IQSEC3: variants seen among roughly 807,000 people sequenced by gnomAD.
The protein encoded by IQSEC3 is IQ motif and Sec7 domain ArfGEF 3, also known as IQ motif and SEC7 domain-containing protein 3.
IQSEC3 carries 50 observed loss-of-function variants against 105.4 expected under a neutral mutation model. The observed-to-expected ratio is 0.47, with a 90% CI of 0.38 to 0.60. IQSEC3 has a LOEUF of 0.60. Among genes scored for constraint, IQSEC3 ranks in the 20% least tolerant of loss-of-function variants. The pLI is 0.00. For synonymous variants in IQSEC3, 708 were observed against 746.0 expected, an observed-to-expected ratio of 0.95 and a Z score of 0.83; for missense variants, 1,415 against 1,630.0, an observed-to-expected ratio of 0.87 and a Z score of 2.27.
chr12:172,933 G>T (rs561792449), intron 13 of IQSEC3, among the ~76,000 whole-genome samples: 3 of 152,178 alleles, frequency 2.0e-5, no homozygotes, highest in Non-Finnish European at 4.4e-5. Context: ...GGCGCGGCAC[G>T]GGGAGCTTCA....
Position 174,921 on chromosome 12 carries a change from A to AGCC in IQSEC3, c.3438_3440dup (p.Pro1148dup). 6.5e-7 allele frequency: 1 copy of AGCC among 1,544,872 alleles called. No homozygotes were observed. Among genetic ancestry groups the AGCC allele is most frequent in the Non-Finnish European group, 8.7e-7 (1 of 1,152,490 alleles). ...GGCTCTCCGGTCAAGGTCACCCACC[A>AGCC]GCCTCCGCTGCCCCCGCCCCCACCC... On this transcript the variant is annotated inframe_insertion, in exon 14 of 14. Coordinates refer to ENST00000538872, the MANE Select transcript of IQSEC3 (RefSeq NM_001170738.2).
At chr12:110,827 A>G (rs1864857677) in intron 2 of IQSEC3, among the ~76,000 whole-genome samples, 1 of 152,188 alleles carries the variant, frequency 6.6e-6, no homozygotes, top group Admixed American at 6.5e-5. Flanking sequence ...CACAAACCCA[A>G]CAAACCCAAC....
At chr12:149,546 CTCAT>C (rs1303647807) in intron 5 of IQSEC3, among the ~76,000 whole-genome samples, 2 of 152,212 alleles carry the variant, frequency 1.3e-5, no homozygotes, top group Non-Finnish European at 2.9e-5. Context: ...CTCTCACTCA[CTCAT>C]TCATTCATCC....
At chr12:72,551 T>C (rs1863359877) in intron 1 of IQSEC3, among the ~76,000 whole-genome samples, 1 of 132,336 alleles carries the variant, frequency 7.6e-6, no homozygotes, top group South Asian at 2.4e-4. Flanking sequence ...CTGGGGACAC[T>C]CTCACTGCAC....
At chr12:156,105 G>A (rs1216442716) in intron 5 of IQSEC3, among the ~76,000 whole-genome samples, 2 of 152,294 alleles carry the variant, frequency 1.3e-5, no homozygotes, top group Non-Finnish European at 2.9e-5. Flanking sequence ...CCCCTGGATC[G>A]GGCTAGACCA....
chr12:141,509 G>A (rs978854577), intron 5 of IQSEC3: 4 of 511,866 alleles, frequency 7.8e-6, no homozygotes, highest in African/African-American at 3.8e-5. Context: ...GCCAGGCTTC[G>A]TTTGAGGCAG....
chr12:113,271 C>T (rs1404031492), intron 2 of IQSEC3, among the ~76,000 whole-genome samples: 1 of 152,252 alleles, frequency 6.6e-6, no homozygotes, highest in Non-Finnish European at 1.5e-5. Context: ...ACTTGATTCT[C>T]ACCACAAGGA....
intron 5 of IQSEC3, among the ~76,000 whole-genome samples, chr12:153,921 G>GC (rs1591732462): frequency 6.6e-6 from 1 of 152,158 alleles, no homozygotes. Flanking sequence ...CCCAGGACTT[G>GC]CCCCCAAATA....
chr12:126,672 A>C (rs11064597), intron 3 of IQSEC3, among the ~76,000 whole-genome samples: 14,520 of 151,928 alleles, frequency 0.096, 1,088 homozygotes, highest in African/African-American at 0.21. Context: ...CCTCCTATGA[A>C]CTCAGTGACT....
At chr12:125,969 G>T in intron 3 of IQSEC3, 57 bp downstream of exon 3, 1 of 1,484,902 alleles carries the variant, frequency 6.7e-7, no homozygotes, top group Non-Finnish European at 9.0e-7. Flanking sequence ...TGCTTTGGGG[G>T]CTGTCGAGGG....
Position 66,803 on chromosome 12 carries a change from C to G in IQSEC3, c.-80C>G. 7.8e-7 allele frequency: 1 copy of G among 1,275,378 alleles called. No individual in the cohort carries two copies. 79.0% of individuals were successfully genotyped at this position (1,275,378 alleles called of 1,614,324 possible). ...GTGGGAGAGGGAGGCGAGCCGACCGCTGGGCTGCTGGGCTCCCGCGCCCTC... is the reference window on the plus strand; with the variant it reads ...GTGGGAGAGGGAGGCGAGCCGACCGGTGGGCTGCTGGGCTCCCGCGCCCTC... On this transcript the variant is annotated 5_prime_UTR_variant, in exon 1 of 14. Transcript: ENST00000538872.
chr12:142,217 G>T (rs1009227137), intron 5 of IQSEC3: 1 of 152,236 alleles, frequency 6.6e-6, no homozygotes, highest in African/African-American at 2.4e-5. Context: ...CTCGCTCCTG[G>T]AGCAGCAAGG....
In IQSEC3 at chr12:138,307, C is replaced by G. The variant is rs1555087043; in HGVS notation, c.944C>G (p.Ser315Cys). Residue 315 changes from serine (S) to cysteine (C), a missense_variant, in exon 4 of 14, where the codon TCC (serine) becomes TGC (cysteine). Around this residue, in one of 6 missense-constraint regions of IQSEC3, gnomAD observed 720 missense variants for 633.0 expected, o/e 1.14. Coordinates refer to ENST00000538872, the MANE Select transcript of IQSEC3 (RefSeq NM_001170738.2). The surrounding 1 kb of genome is among the most constrained non-coding windows in gnomAD (Gnocchi z 7.1). ...LEHKYGGHLV[S>C]RRAACTIQTA... is the part of the protein sequence containing the mutation. ...CATAAGTACGGCGGTCACCTGGTGT[C>G]CCGGCGCGCCGCTTGCACCATCCAA... The G allele has an allele frequency of 1.2e-6, 2 of 1,613,878 alleles. No individual in the cohort carries two copies. Among genetic ancestry groups the G allele is most frequent in the Non-Finnish European group, 8.5e-7 (1 of 1,179,946 alleles).
intron 12 of IQSEC3, among the ~76,000 whole-genome samples, chr12:169,868 C>T (rs1591758223): frequency 2.6e-5 from 4 of 152,340 alleles, no homozygotes; most frequent in South Asian, 2.1e-4. Context: ...TTAGTTAACT[C>T]GGTCACTTAC....
chr12:161,268 G>A (rs1172234302), intron 7 of IQSEC3, among the ~76,000 whole-genome samples: 1 of 152,236 alleles, frequency 6.6e-6, no homozygotes, highest in Non-Finnish European at 1.5e-5. Context: ...TTAATCGCCT[G>A]TTTCTCCAAA....
intron 2 of IQSEC3, among the ~76,000 whole-genome samples, chr12:104,390 TAA>T (rs1373277000): frequency 1.3e-5 from 2 of 152,186 alleles, no homozygotes; most frequent in African/African-American, 4.8e-5. Context: ...CCTCTGATTA[TAA>T]GTCATACACG....
At chr12:82,380 G>A (rs1194826808) in intron 1 of IQSEC3, among the ~76,000 whole-genome samples, 1 of 152,202 alleles carries the variant, frequency 6.6e-6, no homozygotes, top group African/African-American at 2.4e-5. Context: ...GCCAGAATGG[G>A]AGGAATTGTA....
intron 3 of IQSEC3, among the ~76,000 whole-genome samples, chr12:133,736 G>T (rs574618022): frequency 5.4e-5 from 8 of 148,852 alleles, no homozygotes; most frequent in South Asian, 2.2e-4. Context: ...GCAGAGGTTA[G>T]TGTTCTGGAG....
intron 12 of IQSEC3, 78 bp from the exon 13 acceptor site, chr12:171,034 T>A (rs1316832537): frequency 1.9e-6 from 3 of 1,567,160 alleles, no homozygotes; most frequent in Non-Finnish European, 2.6e-6. Flanking sequence ...GCTGCAGAGA[T>A]GCTTGAGGGG....
Sources: gnomAD v4.1 joint callset for allele counts (sites outside exome capture counted in the v4.1 genomes callset) on GRCh38, gnomAD v4.1.1 for gene constraint, gnomAD v4.1.1 regional missense constraint, Gnocchi (gnomAD v3.1) non-coding constraint, MANE v1.5 for transcripts, NCBI Gene and HGNC (gene_info 2026-07-23, HGNC 2026-07-21) for gene names.